The following EYS variants were observed in gnomAD, a reference collection of about 807,000 sequenced individuals.
The protein encoded by EYS is protein eyes shut homolog.
A neutral mutation model predicts 282.1 loss-of-function variants in EYS; 250 were observed. The ratio of observed to expected loss-of-function variants is 0.89; its 90% CI spans 0.80 to 0.98. The LOEUF (loss-of-function observed/expected upper bound fraction) is 0.98, where lower values mean the gene tolerates loss of function less well. Among genes scored for constraint, EYS ranks in the 50% least tolerant of loss-of-function variants. EYS has a pLI of 0.00. For synonymous variants in EYS, 1,355 were observed against 1,282.9 expected, an observed-to-expected ratio of 1.06 and a Z score of -1.20; for missense variants, 4,016 against 3,709.0, an observed-to-expected ratio of 1.08 and a Z score of -2.15.
chr6:63,888,500 G>T (rs1238496185), intron 35 of EYS, among the ~76,000 whole-genome samples: 3 of 152,196 alleles, frequency 2.0e-5, no homozygotes, highest in East Asian at 1.9e-4. Flanking sequence ...GGGAAACAAG[G>T]TCTGGAGTGG....
In EYS at chr6:65,378,572, G is replaced by C. The variant is rs1160974017; in HGVS notation, c.1299+5814C>G. ...GGATTATAATTCATTCTACTATAAA[G>C]ACACATGCACACAAAAGTTTATTGT... On this transcript the variant is annotated intron_variant, in intron 8 of 42. Coordinates refer to ENST00000503581, the MANE Select transcript of EYS (RefSeq NM_001142800.2). Among the ~76,000 whole-genome samples, 4 of 152,076 alleles carry C rather than the reference G, an allele frequency of 2.6e-5. No homozygotes were observed. The East Asian group carries it at 7.7e-4, about 29-fold the overall frequency.
rs539837236 is a variant in EYS, at chr6:65,460,020, T to G, written c.862+30574A>C. Among the ~76,000 whole-genome samples, 804 of 139,568 alleles carry G rather than the reference T, an allele frequency of 5.8e-3. 6 individuals carry two copies. The highest frequency in any genetic ancestry group is 9.2e-3 in the Non-Finnish European group (587 of 63,868). The allele number at this position is 139,568 out of a possible 152,430, so 91.6% of individuals were successfully genotyped here. On this transcript the variant is annotated intron_variant, in intron 5 of 42. Transcript: ENST00000503581. The stretch of plus-strand genomic sequence containing the variant: ...TATATATATATATAATTTTATTGTA[T>G]GTATTAATATAATATATATCACTGA...
At chr6:65,325,194 T>G (rs1188909317) in intron 11 of EYS, among the ~76,000 whole-genome samples, 1 of 152,128 alleles carries the variant, frequency 6.6e-6, no homozygotes, top group Non-Finnish European at 1.5e-5. Context: ...TTCTCCTTTC[T>G]CCCTCTTCTC....
At chr6:64,598,737 C>A (rs1284739838) in intron 24 of EYS, among the ~76,000 whole-genome samples, 4 of 152,098 alleles carry the variant, frequency 2.6e-5, no homozygotes, top group African/African-American at 9.7e-5. Context: ...AGCTGGTCAA[C>A]AAGATAGGCA....
At chr6:65,571,140 G>C (rs2127352540) in intron 2 of EYS, among the ~76,000 whole-genome samples, 1 of 152,062 alleles carries the variant, frequency 6.6e-6, no homozygotes, top group Middle Eastern at 3.4e-3. Context: ...TGTAAAAAAA[G>C]ACAGATTAAC....
intron 12 of EYS, among the ~76,000 whole-genome samples, chr6:65,273,985 C>A (rs1767973964): frequency 6.6e-6 from 1 of 152,170 alleles, no homozygotes; most frequent in African/African-American, 2.4e-5. Flanking sequence ...CATAAAACAT[C>A]ACTGGTGTCT....
At chr6:64,703,329 A>G (rs1311034841) in intron 22 of EYS, among the ~76,000 whole-genome samples, 1 of 146,560 alleles carries the variant, frequency 6.8e-6, no homozygotes, top group Non-Finnish European at 1.5e-5. Context: ...TTTTTTATGT[A>G]TGTATACTGG....
intron 31 of EYS, among the ~76,000 whole-genome samples, chr6:64,123,246 C>G (rs546634152): frequency 1.3e-5 from 2 of 152,180 alleles, no homozygotes; most frequent in Middle Eastern, 3.4e-3. Flanking sequence ...ACCTTCAAGA[C>G]AAAGCATTTT....
At chr6:65,283,193 C>A (rs1211739810) in intron 12 of EYS, among the ~76,000 whole-genome samples, 1 of 151,834 alleles carries the variant, frequency 6.6e-6, no homozygotes, top group Admixed American at 6.6e-5. Context: ...AATATTTTTC[C>A]TATCAGAACT....
chr6:65,530,404 C>T (rs906356836), intron 2 of EYS, among the ~76,000 whole-genome samples: 1 of 152,120 alleles, frequency 6.6e-6, no homozygotes, highest in African/African-American at 2.4e-5. Context: ...TGCAGTAATG[C>T]ACATTAGTTT....
rs753772129 is a variant in EYS at position 64,530,438 on chromosome 6, A to G, written c.5644+59785T>C. ...ACATGTGTTCCTAGAGTTATGAAAT[A>G]TATTAAAATTTTGTTTGGTGATAAA... On this transcript the variant is annotated intron_variant, in intron 26 of 42. Coordinates refer to ENST00000503581, the MANE Select transcript of EYS (RefSeq NM_001142800.2). Among the ~76,000 whole-genome samples, 66 of 152,204 alleles carry G rather than the reference A, an allele frequency of 4.3e-4. 1 individual carries two copies. The highest frequency in any genetic ancestry group is 7.9e-4 in the Non-Finnish European group (54 of 67,952).
chr6:64,764,976 T>C (rs1773277199), intron 22 of EYS, among the ~76,000 whole-genome samples: 1 of 152,156 alleles, frequency 6.6e-6, no homozygotes, highest in African/African-American at 2.4e-5. Flanking sequence ...ACCTCAGATG[T>C]ACCACCTACC....
intron 22 of EYS, among the ~76,000 whole-genome samples, chr6:64,649,527 A>T (rs763191192): frequency 6.6e-6 from 1 of 152,062 alleles, no homozygotes; most frequent in Non-Finnish European, 1.5e-5. Flanking sequence ...TTTAGTAGAG[A>T]TGGGGTTTCA....
chr6:64,458,782 C>T (rs78158219), intron 26 of EYS, among the ~76,000 whole-genome samples: 2,616 of 152,130 alleles, frequency 0.017, 66 homozygotes, highest in African/African-American at 0.059. Flanking sequence ...CATGGAAATC[C>T]TCTGATCCCT....
At chr6:63,878,077 T>C (rs1053851012) in intron 35 of EYS, among the ~76,000 whole-genome samples, 8 of 152,224 alleles carry the variant, frequency 5.3e-5, no homozygotes, top group Admixed American at 3.3e-4. Flanking sequence ...TTTCAGCTTT[T>C]CTGCTCTGGT....
chr6:63,946,086 T>G (rs1194816665), intron 35 of EYS, among the ~76,000 whole-genome samples: 2 of 152,160 alleles, frequency 1.3e-5, no homozygotes, highest in African/African-American at 4.8e-5. Context: ...CTATTTCACT[T>G]ACTAATTCTA....
chr6:65,492,607 T>C (rs1257001394), intron 4 of EYS, among the ~76,000 whole-genome samples: 2 of 152,204 alleles, frequency 1.3e-5, no homozygotes, highest in Non-Finnish European at 2.9e-5. Context: ...AATTGCTTTA[T>C]CATTCACTCC....
At chr6:65,259,510 C>T (rs1767561781) in intron 12 of EYS, among the ~76,000 whole-genome samples, 2 of 152,118 alleles carry the variant, frequency 1.3e-5, no homozygotes, top group East Asian at 1.9e-4. Context: ...TGTTTTTATA[C>T]TTGAATGCAA....
intron 22 of EYS, among the ~76,000 whole-genome samples, chr6:64,707,474 C>A (rs1321444318): frequency 6.6e-6 from 1 of 151,896 alleles, no homozygotes; most frequent in African/African-American, 2.4e-5. Flanking sequence ...TCAAGACCAT[C>A]CTGGCTAACA....
Sources: allele counts gnomAD v4.1 joint callset (sites outside exome capture counted in the v4.1 genomes callset), GRCh38; gene constraint gnomAD v4.1.1; transcripts MANE v1.5; gene names NCBI Gene and HGNC (gene_info 2026-07-23, HGNC 2026-07-21).